LRG1: variants seen among roughly 807,000 people sequenced by gnomAD.
LRG1 encodes leucine-rich alpha-2-glycoprotein.
LRG1 carries 1 observed loss-of-function variant against 2.4 expected under a neutral mutation model. That is an observed-to-expected ratio of 0.41 (90% CI 0.15 to 1.95). The LOEUF (loss-of-function observed/expected upper bound fraction) is 1.95. Ranked by LOEUF, LRG1 falls within the 30% of genes most tolerant of loss-of-function variation. The pLI, the probability that LRG1 is intolerant of heterozygous loss-of-function variation, is 0.30. For missense variants in LRG1, 425 were observed against 436.9 expected (o/e 0.97, Z 0.24); for synonymous variants, 226 against 210.6 (o/e 1.07, Z -0.63).
At position 4,538,159 on chromosome 19, in the gene LRG1, C is replaced by T; in HGVS notation, c.825G>A (p.Val275=). The change falls in exon 2 of 2, where the codon GTG becomes GTA. Residue 275 remains valine (V), a synonymous_variant. Transcript: ENST00000306390. The part of the protein sequence containing the change: ...LDLSNNSLAS[V]PEGLWASLGQ... ...CTAGGGATGCCCAGAGCCCCTCGGG[C>T]ACGCTGGCCAGTGAGTTATTGGAGA... The T allele has an allele frequency of 6.2e-7, 1 of 1,614,052 alleles. No individual in the cohort carries two copies. Among genetic ancestry groups the T allele is most frequent in the Non-Finnish European group, 8.5e-7 (1 of 1,180,040 alleles).
Position 4,538,935 on chromosome 19 carries a change from G to T in LRG1, c.49C>A (p.Pro17Thr). ...AGGAACAGAGTTCTAGAAACATGGG[G>T]TTGAATGCCCCCTGGGCTGCAGGCA... The part of the protein sequence containing the change: ...QRPKSPGGIQ[P>T]HVSRTLFLLL... The change falls in exon 2 of 2, where the codon CCC becomes ACC. Residue 17 changes from proline (P) to threonine (T), a missense_variant. Coordinates refer to ENST00000306390, the MANE Select transcript of LRG1 (RefSeq NM_052972.3). The T allele has an allele frequency of 6.6e-7, 1 of 1,508,132 alleles. No homozygotes were observed. Among genetic ancestry groups the T allele is most frequent in the Non-Finnish European group, 8.9e-7 (1 of 1,127,146 alleles). 93.4% of individuals were successfully genotyped at this position (1,508,132 alleles called of 1,614,324 possible).
At position 4,538,337 on chromosome 19, in the gene LRG1, C is replaced by T. The variant is rs776179761; in HGVS notation, c.647G>A (p.Arg216Gln). ...DLLRGPLQLE[R>Q]LHLEGNKLQV... is the part of the protein sequence containing the mutation. ...CAATTTGTTGCCTTCTAGATGTAGCCGTTCTAATTGCAGCGGACCCCTCAG... is the reference window on the plus strand; with the variant it reads ...CAATTTGTTGCCTTCTAGATGTAGCTGTTCTAATTGCAGCGGACCCCTCAG... Residue 216 changes from arginine (R) to glutamine (Q), a missense_variant, in exon 2 of 2, where the codon CGG becomes CAG. Transcript: ENST00000306390. 3.5e-5 allele frequency: 56 copies of T among 1,614,084 alleles called. No individual in the cohort carries two copies. Among genetic ancestry groups the T allele is most frequent in the South Asian group, 1.5e-4 (14 of 91,082 alleles).
In LRG1 at chr19:4,537,988, AG is replaced by A; in HGVS notation, c.995del (p.Pro332LeufsTer4). The A allele has an allele frequency of 3.7e-6, 6 of 1,613,624 alleles. No individual in the cohort carries two copies. The highest frequency in any genetic ancestry group is 5.1e-6 in the Non-Finnish European group (6 of 1,179,894). ...FSQNDTRCAG[P>X]EAVKGQTLLA... The stretch of plus-strand genomic sequence containing the variant: ...GGAGCGTCTGGCCCTTCACGGCTTC[AG>A]GCCCAGCACAGCGCGTGTCATTCTG... On this transcript the variant is annotated frameshift_variant, in exon 2 of 2. Transcript: ENST00000306390. LOFTEE classifies it low-confidence loss of function (END_TRUNC).
chr19:4,538,794 C>T lies in LRG1; in HGVS notation c.190G>A (p.Gly64Ser), dbSNP rs7251081. Residue 64 changes from glycine (G) to serine (S), a missense_variant, in exon 2 of 2, where the codon GGC becomes AGC. Coordinates refer to ENST00000306390, the MANE Select transcript of LRG1 (RefSeq NM_052972.3). ...TGCACGGTGTCGGCTGGCAGGTAGC[C>T]GGGGATTTCGGCAGGTGGTTGACAG... ...ISCQPPAEIP[G>S]YLPADTVHLA... The T allele has an allele frequency of 0.019, 29,697 of 1,603,930 alleles. 4,726 individuals are homozygous for T. In the African/African-American group the frequency reaches 0.35, roughly 19 times the overall value.
chr19:4,537,130 A>C lies in LRG1; in HGVS notation c.*810T>G, dbSNP rs1599767374. Reference sequence around the variant, plus strand: ...TATCCCACACCCCAGGGCCTGGGCCATGCCTCTTTTCCTCCTTCACCCTGG... The same window carrying C: ...TATCCCACACCCCAGGGCCTGGGCCCTGCCTCTTTTCCTCCTTCACCCTGG... On this transcript the variant is annotated 3_prime_UTR_variant, in exon 2 of 2. Coordinates refer to ENST00000306390, the MANE Select transcript of LRG1 (RefSeq NM_052972.3). 1 of 152,382 alleles carries C rather than the reference A, an allele frequency of 6.6e-6. No homozygotes were observed. Among genetic ancestry groups the C allele is most frequent in the Admixed American group, 6.5e-5 (1 of 15,300 alleles). The allele number at this position is 152,382 out of a possible 1,614,324, so 9.4% of individuals were successfully genotyped here. A position where few individuals can be genotyped will look rare whatever the true frequency, so the allele number is the denominator to read the frequency against.
In LRG1 at chr19:4,538,552, G is replaced by A. The variant is rs1389393877; in HGVS notation, c.432C>T (p.Thr144=). ...CCAGCTGGTTTTCTTTCAATACCAG[G>A]GTGTCCAGGGTGGCTGAGGCCTGGA... is the stretch of plus-strand genomic sequence containing the variant. The part of the protein sequence containing the change: ...GLFQASATLD[T]LVLKENQLEV... Residue 144 remains threonine (T), a synonymous_variant, in exon 2 of 2, where the codon ACC becomes ACT. Coordinates refer to ENST00000306390, the MANE Select transcript of LRG1 (RefSeq NM_052972.3). The A allele has an allele frequency of 5.0e-6, 8 of 1,613,614 alleles. No individual in the cohort carries two copies. Among genetic ancestry groups the A allele is most frequent in the Non-Finnish European group, 6.8e-6 (8 of 1,180,010 alleles).
chr19:4,537,707 A>G lies in LRG1; in HGVS notation c.*233T>C. The G allele has an allele frequency of 2.0e-6, 1 of 499,454 alleles. No homozygotes were observed. Among genetic ancestry groups the G allele is most frequent in the South Asian group, 2.4e-5 (1 of 41,398 alleles). The allele number at this position is 499,454 out of a possible 1,614,324, so 30.9% of individuals were successfully genotyped here. A position where few individuals can be genotyped will look rare whatever the true frequency, so the allele number is the denominator to read the frequency against. On this transcript the variant is annotated 3_prime_UTR_variant, in exon 2 of 2. Transcript: ENST00000306390. Reference sequence around the variant, plus strand: ...CTCAGCCTCCCGAGTTGCTGGGACTACAGGTGCCCACCACCACGCCTGGCT... The same window carrying G: ...CTCAGCCTCCCGAGTTGCTGGGACTGCAGGTGCCCACCACCACGCCTGGCT...
chr19:4,537,617 G>C lies in LRG1; in HGVS notation c.*323C>G. The stretch of plus-strand genomic sequence containing the variant: ...CAGTCTTGCTCTGTCGCCCAGGCTA[G>C]AGTGCAGTGGCACGATCTTGGCTCA... On this transcript the variant is annotated 3_prime_UTR_variant, in exon 2 of 2. Coordinates refer to ENST00000306390, the MANE Select transcript of LRG1 (RefSeq NM_052972.3). 1 of 327,178 alleles carries C rather than the reference G, an allele frequency of 3.1e-6. No individual in the cohort carries two copies. The highest frequency in any genetic ancestry group is 5.7e-6 in the Non-Finnish European group (1 of 175,746). 20.3% of individuals were successfully genotyped at this position (327,178 alleles called of 1,614,324 possible).
chr19:4,539,806 T>C (rs10401592), intron 1 of LRG1, among the ~76,000 whole-genome samples, 176 bp downstream of exon 1: 30,697 of 152,088 alleles, frequency 0.2, 7,661 homozygotes, highest in African/African-American at 0.59. Flanking sequence ...TGGGCTTCTG[T>C]AGGGGTGTGT....
At position 4,538,421 on chromosome 19, in the gene LRG1, G is replaced by T; in HGVS notation, c.563C>A (p.Thr188Asn). 6.2e-7 allele frequency: 1 copy of T among 1,614,138 alleles called. No homozygotes were observed. ...KLPPGLLANF[T>N]LLRTLDLGEN... ...CCCAAGGTCAAGGGTGCGCAGGAGG[G>T]TGAAGTTGGCCAGCAGCCCGGGGGG... is the stretch of plus-strand genomic sequence containing the variant. Residue 188 changes from threonine to asparagine, a missense_variant, in exon 2 of 2, where the codon ACC becomes AAC. Physicochemically the swap from Thr to Asn is moderately conservative, Grantham distance 65 (BLOSUM62 0). Transcript: ENST00000306390.
Position 4,538,708 on chromosome 19 carries a change from A to G in LRG1, c.276T>C (p.Ser92=). 3 of 1,609,314 alleles carry G rather than the reference A, an allele frequency of 1.9e-6. No individual in the cohort carries two copies. Among genetic ancestry groups the G allele is most frequent in the South Asian group, 2.2e-5 (2 of 91,032 alleles). The part of the protein sequence containing the change: ...HLPANLLQGA[S]KLQELHLSSN... ...TGGAGAGGTGCAATTCTTGGAGCTTAGAGGCGCCCTGGAGGAGGTTGGCTG... is the reference window on the plus strand; with the variant it reads ...TGGAGAGGTGCAATTCTTGGAGCTTGGAGGCGCCCTGGAGGAGGTTGGCTG... The change falls in exon 2 of 2, where the codon TCT becomes TCC. Residue 92 remains serine (S), a synonymous_variant. Transcript: ENST00000306390.
Position 4,538,270 on chromosome 19 carries a change from C to G in LRG1, c.714G>C (p.Leu238=). The change falls in exon 2 of 2, where the codon CTG becomes CTC. Residue 238 remains leucine, a synonymous_variant. Coordinates refer to ENST00000306390, the MANE Select transcript of LRG1 (RefSeq NM_052972.3). ...GKDLLLPQPD[L]RYLFLNGNKL... ...TGTTGCCGTTCAGGAAGAGGTAGCG[C>G]AGGTCCGGCTGCGGCAAGAGGAGAT... 1 of 1,614,192 alleles carries G rather than the reference C, an allele frequency of 6.2e-7. No homozygotes were observed.
Position 4,539,983 on chromosome 19 carries a change from T to A in LRG1, c.31A>T (p.Ser11Cys), listed in dbSNP as rs1213775721. Reference protein sequence around the residue: MSSWSRQRPKSPGGIQPHVSR... With the variant: MSSWSRQRPKCPGGIQPHVSR... ...AGGACAGGTAGTGTGGGGACCTACC[T>A]TTTTGGTCGCTGTCTGCTCCAAGAG... Residue 11 changes from serine (S) to cysteine (C), a missense_variant and splice_region_variant, in exon 1 of 2, where the codon AGC (serine) becomes TGC (cysteine). Transcript: ENST00000306390. 6.2e-7 allele frequency: 1 copy of A among 1,614,116 alleles called. No homozygotes were observed. The highest frequency in any genetic ancestry group is 1.7e-5 in the Admixed American group (1 of 60,020).
Position 4,538,433 on chromosome 19 carries a change from A to G in LRG1, c.551T>C (p.Leu184Pro). The stretch of plus-strand genomic sequence containing the variant: ...GGTGCGCAGGAGGGTGAAGTTGGCC[A>G]GCAGCCCGGGGGGCAGTTTCCGGAG... ...NRLRKLPPGLLANFTLLRTLD... is the reference protein window; with the variant it reads ...NRLRKLPPGLPANFTLLRTLD... The change falls in exon 2 of 2, where the codon CTG becomes CCG. Residue 184 changes from leucine (L) to proline (P), a missense_variant. By Grantham distance (98) the Leu-to-Pro change is moderately conservative. Coordinates refer to ENST00000306390, the MANE Select transcript of LRG1 (RefSeq NM_052972.3). 3 of 1,614,140 alleles carry G rather than the reference A, an allele frequency of 1.9e-6. No homozygotes were observed. The highest frequency in any genetic ancestry group is 2.5e-6 in the Non-Finnish European group (3 of 1,180,040).
At position 4,539,995 on chromosome 19, in the gene LRG1, G is replaced by C. The variant is rs746616388; in HGVS notation, c.19C>G (p.Gln7Glu). The change falls in exon 1 of 2, where the codon CAG becomes GAG. Residue 7 changes from glutamine to glutamate, a missense_variant. Coordinates refer to ENST00000306390, the MANE Select transcript of LRG1 (RefSeq NM_052972.3). ...GTGGGGACCTACCTTTTTGGTCGCT[G>C]TCTGCTCCAAGAGGACATGGTAGCT... MSSWSR[Q>E]RPKSPGGIQP... is the part of the protein sequence containing the mutation. The C allele has an allele frequency of 3.7e-6, 6 of 1,614,056 alleles. No homozygotes were observed. The South Asian group carries it at 6.6e-5, about 18-fold the overall frequency.
In LRG1 at chr19:4,538,645, C is replaced by A. The variant is rs780226275; in HGVS notation, c.339G>T (p.Arg113=). 4.3e-6 allele frequency: 7 copies of A among 1,613,156 alleles called. No individual in the cohort carries two copies. Among genetic ancestry groups the A allele is most frequent in the Non-Finnish European group, 5.9e-6 (7 of 1,179,370 alleles). ...CCAGCACCCTCAGCTGCGGCACTGGCCGCAGGAATTCGGGCGAGAGGCTTT... is the reference window on the plus strand; with the variant it reads ...CCAGCACCCTCAGCTGCGGCACTGGACGCAGGAATTCGGGCGAGAGGCTTT... ...GLESLSPEFL[R]PVPQLRVLDL... Residue 113 remains arginine (R), a synonymous_variant, in exon 2 of 2, where the codon CGG becomes CGT. Transcript: ENST00000306390.
At position 4,537,043 on chromosome 19, in the gene LRG1, G is replaced by T; in HGVS notation, c.*897C>A. On this transcript the variant is annotated 3_prime_UTR_variant, in exon 2 of 2. Transcript: ENST00000306390. Reference sequence around the variant, plus strand: ...TTTATTTCCAGTTAGGTCCCAGGATGGGGGAAGGGAGAGGAGAAGTCACAG... The same window carrying T: ...TTTATTTCCAGTTAGGTCCCAGGATTGGGGAAGGGAGAGGAGAAGTCACAG... 6.6e-6 allele frequency: 1 copy of T among 152,438 alleles called. No individual in the cohort carries two copies. 9.4% of individuals were successfully genotyped at this position (152,438 alleles called of 1,614,324 possible). A position where few individuals can be genotyped will look rare whatever the true frequency, so the allele number is the denominator to read the frequency against.
rs370882490 is a variant in LRG1 at position 4,538,224 on chromosome 19, C to T, written c.760G>A (p.Gly254Ser). The T allele has an allele frequency of 2.3e-5, 37 of 1,613,858 alleles. No individual in the cohort carries two copies. In the Admixed American group the frequency reaches 3.5e-4, roughly 15 times the overall value. Residue 254 changes from glycine to serine, a missense_variant, in exon 2 of 2, where the codon GGT becomes AGT. By Grantham distance (56) the Gly-to-Ser change is moderately conservative. Transcript: ENST00000306390. ...AGCTGCCGCAGGCCCTGGAAGGCAC[C>T]GGCTGCCACCCTGGCCAGCTTGTTG... ...NGNKLARVAA[G>S]AFQGLRQLDM...
chr19:4,538,780 G>A lies in LRG1; in HGVS notation c.204C>T (p.Ala68=), dbSNP rs751181740. ...PPAEIPGYLP[A]DTVHLAVEFF... ...ATTCCACGGCCAGGTGCACGGTGTCGGCTGGCAGGTAGCCGGGGATTTCGG... is the reference window on the plus strand; with the variant it reads ...ATTCCACGGCCAGGTGCACGGTGTCAGCTGGCAGGTAGCCGGGGATTTCGG... The change falls in exon 2 of 2, where the codon GCC becomes GCT. Residue 68 remains alanine (A), a synonymous_variant. Coordinates refer to ENST00000306390, the MANE Select transcript of LRG1 (RefSeq NM_052972.3). 1.1e-5 allele frequency: 17 copies of A among 1,606,062 alleles called. No homozygotes were observed. The East Asian group carries it at 1.1e-4, about 11-fold the overall frequency.
Sources: allele counts gnomAD v4.1 joint callset (sites outside exome capture counted in the v4.1 genomes callset), GRCh38; gene constraint gnomAD v4.1.1; transcripts MANE v1.5; gene names NCBI Gene and HGNC (gene_info 2026-07-23, HGNC 2026-07-21).